The following PCDH19 variants were observed in gnomAD, a reference collection of about 807,000 sequenced individuals.
PCDH19 encodes protocadherin 19.
A neutral mutation model predicts 46.2 loss-of-function variants in PCDH19; 6 were observed. The ratio of observed to expected loss-of-function variants is 0.13; its 90% CI spans 0.07 to 0.26. The LOEUF (loss-of-function observed/expected upper bound fraction) is 0.26, where lower values mean the gene tolerates loss of function less well. Ranked by LOEUF, PCDH19 falls within the 10% of genes least tolerant of loss-of-function variation. PCDH19 has a pLI of 1.00. For synonymous variants in PCDH19, 481 were observed against 415.7 expected (o/e 1.16, Z -1.91); for missense variants, 740 against 972.3 (o/e 0.76, Z 3.18).
intron 3 of PCDH19, among the ~76,000 whole-genome samples, chrX:100,351,963 G>C (rs991367385): frequency 2.7e-5 from 3 of 112,183 alleles, no homozygotes; most frequent in African/African-American, 9.7e-5. Context: ...GGGGGACGGT[G>C]AATGTGTGAG....
intron 4 of PCDH19, among the ~76,000 whole-genome samples, chrX:100,344,910 C>T (rs1426302997): frequency 9.3e-6 from 1 of 107,853 alleles, no homozygotes; most frequent in African/African-American, 3.4e-5. Context: ...AGAGACATTG[C>T]CAAATCACCC....
intron 5 of PCDH19, among the ~76,000 whole-genome samples, chrX:100,322,595 A>C (rs1316648615): frequency 9.3e-6 from 1 of 107,726 alleles, no homozygotes; most frequent in Non-Finnish European, 1.9e-5. Flanking sequence ...TTTTGGTTTC[A>C]TATGAATTTT....
chrX:100,354,334 A>G (rs927974523), intron 3 of PCDH19, among the ~76,000 whole-genome samples: 2 of 112,147 alleles, frequency 1.8e-5, no homozygotes, highest in Non-Finnish European at 3.8e-5. Context: ...TCTCAGCCCT[A>G]ACTACACATG....
chrX:100,367,272 C>T (rs766761201), intron 3 of PCDH19, among the ~76,000 whole-genome samples: 151 of 112,070 alleles, frequency 1.3e-3, no homozygotes, highest in African/African-American at 4.7e-3. Flanking sequence ...GAGATTAACC[C>T]GATTCCACTC....
At chrX:100,345,058 A>T (rs912588396) in intron 4 of PCDH19, among the ~76,000 whole-genome samples, 3 of 110,122 alleles carry the variant, frequency 2.7e-5, no homozygotes, top group African/African-American at 9.9e-5. Flanking sequence ...CTGATATCTG[A>T]TGTCTTTGAA....
At chrX:100,362,057 A>C (rs976680515) in intron 3 of PCDH19, among the ~76,000 whole-genome samples, 4 of 111,951 alleles carry the variant, frequency 3.6e-5, no homozygotes, top group Admixed American at 2.8e-4. Flanking sequence ...TTCAAAAAAC[A>C]AAAGTTAACA....
chrX:100,320,109 G>T (rs917685505), intron 5 of PCDH19, among the ~76,000 whole-genome samples: 2 of 111,577 alleles, frequency 1.8e-5, no homozygotes, highest in Admixed American at 1.9e-4. Context: ...ACAACGGAAG[G>T]ATTATTACAG....
intron 3 of PCDH19, among the ~76,000 whole-genome samples, chrX:100,393,939 G>A (rs1602627304): frequency 8.9e-6 from 1 of 112,310 alleles, no homozygotes; most frequent in Non-Finnish European, 1.9e-5. Flanking sequence ...GCAGAGGCGG[G>A]TGGATGACCT....
At position 100,350,980 on chromosome X, in the gene PCDH19, C is replaced by T. The variant is rs376146221; in HGVS notation, c.2617-276G>A. 4.4e-5 allele frequency among the ~76,000 whole-genome samples: 5 copies of T among 112,799 alleles called. No individual in the cohort carries two copies. In the East Asian group the frequency reaches 8.3e-4, roughly 19 times the overall value. ...GCAACCACTTACTGAGAAGAGACAA[C>T]GTGACCTACAATCCTTACAGAAACT... On this transcript the variant is annotated intron_variant, in intron 3 of 5. Coordinates refer to ENST00000373034, the MANE Select transcript of PCDH19 (RefSeq NM_001184880.2).
intron 3 of PCDH19, among the ~76,000 whole-genome samples, chrX:100,388,511 G>A (rs1247571869): frequency 1.8e-5 from 2 of 110,059 alleles, no homozygotes; most frequent in South Asian, 7.6e-4. Flanking sequence ...GGATATTTCC[G>A]ATGTTTTATC....
chrX:100,403,966 C>T (rs755845860), intron 1 of PCDH19, among the ~76,000 whole-genome samples: 5 of 112,201 alleles, frequency 4.5e-5, no homozygotes, highest in Non-Finnish European at 9.4e-5. Flanking sequence ...ACAGGTTGAT[C>T]TTTACAAGGG....
chrX:100,359,728 A>G (rs1217963275), intron 3 of PCDH19, among the ~76,000 whole-genome samples: 1 of 111,378 alleles, frequency 9.0e-6, no homozygotes, highest in African/African-American at 3.3e-5. Context: ...TCTCTAATAA[A>G]GAAATAAATA....
intron 5 of PCDH19, among the ~76,000 whole-genome samples, chrX:100,302,009 T>A (rs755215465): frequency 9.0e-6 from 1 of 111,672 alleles, no homozygotes; most frequent in South Asian, 3.8e-4. Context: ...GAGAGCTGAC[T>A]TAGGTAAGAG....
chrX:100,372,789 A>C, intron 3 of PCDH19, among the ~76,000 whole-genome samples: 2 of 112,359 alleles, frequency 1.8e-5, no homozygotes, highest in Middle Eastern at 4.6e-3. Flanking sequence ...TGGATCAGAG[A>C]CTTGAGGTTC....
chrX:100,356,840 T>C (rs1926734067), intron 3 of PCDH19, among the ~76,000 whole-genome samples: 1 of 110,520 alleles, frequency 9.0e-6, no homozygotes, highest in Non-Finnish European at 1.9e-5. Flanking sequence ...CAATGTGGTA[T>C]AGTGGGGACA....
At chrX:100,333,183 G>GAGAGAGAGAA (rs1489789460) in intron 5 of PCDH19, among the ~76,000 whole-genome samples, 1 of 43,469 alleles carries the variant, frequency 2.3e-5, no homozygotes, top group Admixed American at 2.8e-4. Flanking sequence ...GGGAGAGAGA[G>GAGAGAGAGAA]AGAAAGAAAG....
At chrX:100,339,631 C>A in intron 5 of PCDH19, among the ~76,000 whole-genome samples, 2 of 112,281 alleles carry the variant, frequency 1.8e-5, no homozygotes, top group Middle Eastern at 4.6e-3. Flanking sequence ...GTGATGGAAT[C>A]TGTGGCAAGC....
intron 3 of PCDH19, among the ~76,000 whole-genome samples, chrX:100,384,235 A>G (rs1229208124): frequency 8.9e-6 from 1 of 111,746 alleles, no homozygotes; most frequent in Non-Finnish European, 1.9e-5. Context: ...CCAAAACACT[A>G]TGTCAAAAAT....
At chrX:100,354,697 T>C (rs115435579) in intron 3 of PCDH19, among the ~76,000 whole-genome samples, 3,767 of 112,039 alleles carry the variant, frequency 0.034, 164 homozygotes, top group African/African-American at 0.12. Context: ...CTTTTTTTTT[T>C]GCATGAATGT....
Sources: allele counts gnomAD v4.1 joint callset (sites outside exome capture counted in the v4.1 genomes callset), GRCh38; gene constraint gnomAD v4.1.1; transcripts MANE v1.5; gene names NCBI Gene and HGNC (gene_info 2026-07-23, HGNC 2026-07-21).